The following TPX2 variants were observed in gnomAD, a reference collection of about 807,000 sequenced individuals.
TPX2 encodes TPX2 microtubule nucleation factor, also known as targeting protein for Xklp2.
Under a neutral mutation model 93.6 loss-of-function variants are expected in TPX2, and 21 were observed. The ratio of observed to expected loss-of-function variants is 0.22; its 90% CI spans 0.16 to 0.32. The LOEUF is 0.32. Among genes scored for constraint, TPX2 ranks in the 10% least tolerant of loss-of-function variants. The pLI is 1.00. For synonymous variants in TPX2, 281 were observed against 298.3 expected (o/e 0.94, Z 0.60); for missense variants, 776 against 871.1 (o/e 0.89, Z 1.37).
In TPX2 at chr20:31,794,094, G is replaced by A. The variant is rs899725178; in HGVS notation, c.1686+70G>A. ...TCCCTCAAAGACAGTTTTTTCTGTA[G>A]CACTTTTAACTATAAAATCACTGAC... On this transcript the variant is annotated intron_variant, in intron 14 of 17. Transcript: ENST00000300403. The A allele has an allele frequency of 2.7e-6, 4 of 1,457,518 alleles. No individual in the cohort carries two copies. The African/African-American group carries it at 4.3e-5, about 16-fold the overall frequency. The allele number at this position is 1,457,518 out of a possible 1,614,324, so 90.3% of individuals were successfully genotyped here. A position where few individuals can be genotyped will look rare whatever the true frequency, so the allele number is the denominator to read the frequency against.
chr20:31,780,972 T>G (rs899975737), intron 10 of TPX2: 1 of 404,562 alleles, frequency 2.5e-6, no homozygotes, highest in Admixed American at 3.1e-5. Context: ...CAGGCTGGAG[T>G]GCAGTGGCGT....
At chr20:31,763,589 C>T (rs542384219) in intron 4 of TPX2, among the ~76,000 whole-genome samples, 33 of 152,030 alleles carry the variant, frequency 2.2e-4, no homozygotes, top group Non-Finnish European at 3.8e-4. Flanking sequence ...ATGGATTTGT[C>T]TCTTTATCTT....
intron 4 of TPX2, among the ~76,000 whole-genome samples, chr20:31,764,770 T>C (rs1361259415): frequency 6.6e-6 from 1 of 152,202 alleles, no homozygotes; most frequent in African/African-American, 2.4e-5. Context: ...CTTTAGGAGA[T>C]GAACCAAATG....
chr20:31,778,944 C>A lies in TPX2; in HGVS notation c.1014C>A (p.Thr338=). ...AQQVEDFHKR[T]PNRYHLRSKK... is the part of the protein sequence containing the mutation. ...AAGTTGAAGACTTCCATAAACGAAC[C>A]CCTAACAGATATCATTTGAGGAGCA... Residue 338 remains threonine, a synonymous_variant, in exon 10 of 18, where the codon ACC becomes ACA. Transcript: ENST00000300403. 1 of 1,605,372 alleles carries A rather than the reference C, an allele frequency of 6.2e-7. No individual in the cohort carries two copies. Among genetic ancestry groups the A allele is most frequent in the Non-Finnish European group, 8.5e-7 (1 of 1,177,796 alleles).
At chr20:31,769,688 G>T (rs2061952712) in intron 5 of TPX2, among the ~76,000 whole-genome samples, 3 of 152,110 alleles carry the variant, frequency 2.0e-5, no homozygotes, top group African/African-American at 7.2e-5. Flanking sequence ...TTTGGCCTAG[G>T]TGGTGATTTC....
At chr20:31,799,132 G>A (rs1328905958) in intron 17 of TPX2, among the ~76,000 whole-genome samples, 2 of 152,166 alleles carry the variant, frequency 1.3e-5, no homozygotes, top group South Asian at 2.1e-4. Context: ...GTCGCTCCAG[G>A]TAATCCTCTA....
At chr20:31,765,684 A>G (rs2061920814) in intron 4 of TPX2, among the ~76,000 whole-genome samples, 1 of 152,218 alleles carries the variant, frequency 6.6e-6, no homozygotes, top group South Asian at 2.1e-4. Context: ...AATATTGTTC[A>G]ATGCCAGATC....
intron 8 of TPX2, among the ~76,000 whole-genome samples, chr20:31,777,240 T>A (rs1289587041): frequency 6.6e-6 from 1 of 152,222 alleles, no homozygotes; most frequent in African/African-American, 2.4e-5. Context: ...ATGGGATTCT[T>A]CTACCCTGTG....
chr20:31,797,367 G>C, intron 15 of TPX2, 37 bp from the exon 16 acceptor site: 2 of 1,594,892 alleles, frequency 1.3e-6, no homozygotes, highest in Non-Finnish European at 1.7e-6. Context: ...ATAGAAAGGT[G>C]AGACATTGCT....
chr20:31,766,454 G>GGTGTGTGTGTGTGTGTGTGTGTATGT lies in TPX2; in HGVS notation c.230-80_230-79insATGTGTGTGTGTGTGTGTGTGTGTGT, dbSNP rs2061925409. 30 of 720,658 alleles carry GGTGTGTGTGTGTGTGTGTGTGTATGT rather than the reference G, an allele frequency of 4.2e-5. No individual in the cohort carries two copies. The African/African-American group carries it at 6.4e-4, about 15-fold the overall frequency. The allele number at this position is 720,658 out of a possible 1,614,324, so 44.6% of individuals were successfully genotyped here. On this transcript the variant is annotated intron_variant, in intron 4 of 17. Transcript: ENST00000300403. Reference sequence around the variant, plus strand: ...ACTAAGGTTTCTGTGGCTTAGACAGGGTGTGTGTGTGTGTGTGTGTGTGTG... The same window carrying GGTGTGTGTGTGTGTGTGTGTGTATGT: ...ACTAAGGTTTCTGTGGCTTAGACAGGGTGTGTGTGTGTGTGTGTGTGTATGTGTGTGTGTGTGTGTGTGTGTGTGTG...
At chr20:31,760,534 A>T (rs907322452) in intron 4 of TPX2, among the ~76,000 whole-genome samples, 2 of 152,046 alleles carry the variant, frequency 1.3e-5, no homozygotes. Flanking sequence ...ACTGATTTTT[A>T]AAAAATTTTA....
At chr20:31,794,295 T>C (rs1600394222) in intron 14 of TPX2, 107 bp from the exon 15 acceptor site, 2 of 1,427,194 alleles carry the variant, frequency 1.4e-6, no homozygotes, top group East Asian at 2.3e-5. Flanking sequence ...TTCATGCTGC[T>C]TTGAAAGGTT....
chr20:31,768,128 CT>C (rs562951908), intron 5 of TPX2, among the ~76,000 whole-genome samples: 37 of 151,828 alleles, frequency 2.4e-4, no homozygotes, highest in Admixed American at 1.6e-3. Flanking sequence ...GAGATAGTGT[CT>C]TTCCATGTTG....
intron 5 of TPX2, among the ~76,000 whole-genome samples, chr20:31,770,082 G>A (rs1298782869): frequency 1.3e-5 from 2 of 152,284 alleles, no homozygotes; most frequent in African/African-American, 4.8e-5. Flanking sequence ...TGGCAAGCAT[G>A]AGCTACCAGG....
intron 17 of TPX2, 106 bp downstream of exon 17, chr20:31,798,658 C>A: frequency 2.2e-6 from 3 of 1,345,656 alleles, no homozygotes; most frequent in Non-Finnish European, 3.0e-6. Flanking sequence ...CAAGGCTGTA[C>A]CAAAGACAAT....
rs1177585320 is a variant in TPX2, at chr20:31,794,004, A to G, written c.1666A>G (p.Lys556Glu). ...TCAGTTACAGAAGGAGAAGAAAATA[A>G]AAGAACTGCAGAAAGGGGAGGTAGG... ...ERQLQKEKKI[K>E]ELQKGEVPKF... The change falls in exon 14 of 18, where the codon AAA (lysine) becomes GAA (glutamate). Residue 556 changes from lysine (K) to glutamate (E), a missense_variant. Lys to Glu is a moderately conservative substitution (Grantham distance 56). Around this residue, in one of 3 missense-constraint regions of TPX2, gnomAD observed 461 missense variants for 551.2 expected, o/e 0.84. Transcript: ENST00000300403. The G allele has an allele frequency of 2.7e-5, 44 of 1,612,298 alleles. No individual in the cohort carries two copies. Among genetic ancestry groups the G allele is most frequent in the Non-Finnish European group, 3.6e-5 (43 of 1,179,434 alleles).
At chr20:31,782,441 T>A (rs767926101) in intron 11 of TPX2, 51 bp downstream of exon 11, 35 of 1,551,360 alleles carry the variant, frequency 2.3e-5, no homozygotes, top group Non-Finnish European at 3.0e-5. Flanking sequence ...CCTGCCTACT[T>A]TATTTTCAGT....
intron 17 of TPX2, 87 bp downstream of exon 17, chr20:31,798,639 G>A: frequency 7.0e-7 from 1 of 1,431,786 alleles, no homozygotes; most frequent in Non-Finnish European, 9.2e-7. Context: ...CAGGATCTAA[G>A]GTAGCCCGCA....
chr20:31,775,729 A>G (rs2061992054), intron 7 of TPX2, 138 bp from the exon 8 acceptor site: 3 of 826,102 alleles, frequency 3.6e-6, no homozygotes, highest in East Asian at 3.9e-5. Flanking sequence ...GTTAGCATCT[A>G]TTTATTAGAT....
Sources: gnomAD v4.1 joint callset for allele counts (sites outside exome capture counted in the v4.1 genomes callset) on GRCh38, gnomAD v4.1.1 for gene constraint, gnomAD v4.1.1 regional missense constraint, MANE v1.5 for transcripts, NCBI Gene and HGNC (gene_info 2026-07-23, HGNC 2026-07-21) for gene names.